Variants in DACH1 observed in about 807,000 individuals in gnomAD.
DACH1 encodes the protein dachshund family transcription factor 1.
Under a neutral mutation model 54.2 loss-of-function variants are expected in DACH1, and 12 were observed. That is an observed-to-expected ratio of 0.22 (90% CI 0.14 to 0.36). The LOEUF (loss-of-function observed/expected upper bound fraction) is 0.36. Among genes scored for constraint, DACH1 ranks in the 10% least tolerant of loss-of-function variants. The probability of loss-of-function intolerance (pLI) is 1.00; values close to 1 mark genes in which losing one functional copy is unlikely to be tolerated. For synonymous variants in DACH1, 386 were observed against 366.2 expected, an observed-to-expected ratio of 1.05 and a Z score of -0.62; for missense variants, 805 against 929.8, an observed-to-expected ratio of 0.87 and a Z score of 1.75.
At chr13:71,537,210 G>T (rs961036632) in intron 6 of DACH1, among the ~76,000 whole-genome samples, 2 of 151,904 alleles carry the variant, frequency 1.3e-5, no homozygotes, top group African/African-American at 4.8e-5. Flanking sequence ...TGCCTAAAAT[G>T]TCTCCCCAGC....
chr13:71,627,376 A>G (rs1435242376), intron 3 of DACH1, among the ~76,000 whole-genome samples: 1 of 151,302 alleles, frequency 6.6e-6, no homozygotes, highest in Non-Finnish European at 1.5e-5. Context: ...AACAGAACTT[A>G]TGAGCTAGAT....
At chr13:71,575,316 T>A (rs1178673739) in intron 3 of DACH1, among the ~76,000 whole-genome samples, 2 of 152,020 alleles carry the variant, frequency 1.3e-5, no homozygotes, top group Non-Finnish European at 2.9e-5. Context: ...TACATTTTCA[T>A]AGTAGAGTGC....
chr13:71,821,677 T>C (rs73503510), intron 1 of DACH1, among the ~76,000 whole-genome samples: 2,586 of 152,172 alleles, frequency 0.017, 70 homozygotes, highest in African/African-American at 0.058. Flanking sequence ...CAATTTTCAT[T>C]TTTGCTCCTG....
At chr13:71,853,734 T>C (rs1873821562) in intron 1 of DACH1, among the ~76,000 whole-genome samples, 1 of 152,194 alleles carries the variant, frequency 6.6e-6, no homozygotes, top group African/African-American at 2.4e-5. Flanking sequence ...TTCCTTTCAA[T>C]CAAATGAAAA....
intron 6 of DACH1, among the ~76,000 whole-genome samples, chr13:71,529,621 C>T (rs1032456235): frequency 1.1e-4 from 16 of 152,146 alleles, no homozygotes; most frequent in Non-Finnish European, 2.1e-4. Flanking sequence ...GGAGAATATT[C>T]ACTAAAGATT....
At chr13:71,634,579 G>A (rs1158144237) in intron 2 of DACH1, among the ~76,000 whole-genome samples, 9 of 152,032 alleles carry the variant, frequency 5.9e-5, no homozygotes, top group African/African-American at 1.2e-4. Flanking sequence ...AATATTATGC[G>A]CTCAGAGCTG....
intron 1 of DACH1, among the ~76,000 whole-genome samples, chr13:71,790,943 C>G (rs1886805103): frequency 6.6e-6 from 1 of 152,130 alleles, no homozygotes; most frequent in Non-Finnish European, 1.5e-5. Context: ...ATGATCACAT[C>G]AACAACATAT....
intron 1 of DACH1, among the ~76,000 whole-genome samples, chr13:71,839,775 T>A (rs189615302): frequency 2.0e-5 from 3 of 152,248 alleles, no homozygotes; most frequent in Admixed American, 2.0e-4. Context: ...TTATGTTCAC[T>A]AAACCTTCTC....
chr13:71,782,108 C>T (rs896150690), intron 1 of DACH1, among the ~76,000 whole-genome samples: 4 of 152,158 alleles, frequency 2.6e-5, no homozygotes, highest in African/African-American at 9.7e-5. Context: ...TCTCATCCTC[C>T]TATTCTGCAA....
chr13:71,654,488 A>G (rs146833833), intron 2 of DACH1, among the ~76,000 whole-genome samples: 11 of 144,998 alleles, frequency 7.6e-5, no homozygotes, highest in African/African-American at 2.1e-4. Context: ...ATAAAATAAA[A>G]TAAAATAAAA....
At chr13:71,631,570 G>A (rs1471109825) in intron 2 of DACH1, among the ~76,000 whole-genome samples, 1 of 152,156 alleles carries the variant, frequency 6.6e-6, no homozygotes, top group Non-Finnish European at 1.5e-5. Context: ...TTCTAGTTAT[G>A]AAATTTAAGT....
chr13:71,496,136 G>A (rs1879382730), intron 6 of DACH1, among the ~76,000 whole-genome samples: 1 of 151,420 alleles, frequency 6.6e-6, no homozygotes, highest in Non-Finnish European at 1.5e-5. Context: ...GGAGGGCTGA[G>A]GCACAGCACA....
At chr13:71,621,920 T>C (rs982611948) in intron 3 of DACH1, among the ~76,000 whole-genome samples, 1 of 152,034 alleles carries the variant, frequency 6.6e-6, no homozygotes, top group Non-Finnish European at 1.5e-5. Context: ...CAGCACTGAA[T>C]GTAAGGGTCT....
intron 1 of DACH1, among the ~76,000 whole-genome samples, chr13:71,863,206 A>T (rs1348089363): frequency 6.6e-6 from 1 of 152,166 alleles, no homozygotes; most frequent in Non-Finnish European, 1.5e-5. Flanking sequence ...AATAATCATT[A>T]AAAATAATAA....
At chr13:71,800,628 C>T (rs917228601) in intron 1 of DACH1, among the ~76,000 whole-genome samples, 1 of 152,060 alleles carries the variant, frequency 6.6e-6, no homozygotes, top group African/African-American at 2.4e-5. Flanking sequence ...TTCTCTACAA[C>T]ACCTACACTT....
intron 1 of DACH1, among the ~76,000 whole-genome samples, chr13:71,697,590 A>G (rs1175069915): frequency 6.6e-6 from 1 of 152,180 alleles, no homozygotes; most frequent in Non-Finnish European, 1.5e-5. Flanking sequence ...AAATATGTAA[A>G]TTTTTAAACA....
intron 2 of DACH1, among the ~76,000 whole-genome samples, chr13:71,668,153 A>G (rs1404134155): frequency 1.3e-5 from 2 of 152,000 alleles, no homozygotes; most frequent in African/African-American, 4.8e-5. Flanking sequence ...TTTGGGAACT[A>G]AACATTTTAT....
intron 1 of DACH1, among the ~76,000 whole-genome samples, chr13:71,754,352 C>T (rs1195012064): frequency 1.3e-5 from 2 of 152,130 alleles, no homozygotes; most frequent in Non-Finnish European, 1.5e-5. Context: ...TAATAATTTA[C>T]CTTTCCTTGC....
At chr13:71,678,357 T>C (rs1417772329) in intron 2 of DACH1, among the ~76,000 whole-genome samples, 2 of 152,212 alleles carry the variant, frequency 1.3e-5, no homozygotes, top group African/African-American at 4.8e-5. Context: ...CATTACTCTG[T>C]ATTCCCTAAA....
Sources: allele counts gnomAD v4.1 joint callset (sites outside exome capture counted in the v4.1 genomes callset), GRCh38; gene constraint gnomAD v4.1.1; transcripts MANE v1.5; gene names NCBI Gene and HGNC (gene_info 2026-07-23, HGNC 2026-07-21).